The following UGGT1 variants were observed in gnomAD, a reference collection of about 807,000 sequenced individuals.
The protein encoded by UGGT1 is UDP-glucose:glycoprotein glucosyltransferase 1.
A neutral mutation model predicts 203.9 loss-of-function variants in UGGT1; 107 were observed. The ratio of observed to expected loss-of-function variants is 0.52; its 90% CI spans 0.45 to 0.62. The LOEUF is 0.62. UGGT1 is among the 20% of genes least tolerant of loss of function. The pLI, the probability that UGGT1 is intolerant of heterozygous loss-of-function variation, is 0.00. For missense variants in UGGT1, 1,673 were observed against 1,867.2 expected (o/e 0.90, Z 1.92); for synonymous variants, 628 against 653.5 (o/e 0.96, Z 0.59).
chr2:128,186,542 G>C, intron 38 of UGGT1, 141 bp from the exon 39 acceptor site: 1 of 518,858 alleles, frequency 1.9e-6, no homozygotes. Context: ...GGGAGGTGGA[G>C]GCTGCAGTGA....
chr2:128,151,196 C>G, intron 18 of UGGT1: 1 of 537,904 alleles, frequency 1.9e-6, no homozygotes, highest in African/African-American at 1.9e-5. Flanking sequence ...TTCCCCATAG[C>G]CTTCTATTTT....
chr2:128,130,367 T>C (rs2105418688), intron 13 of UGGT1, among the ~76,000 whole-genome samples: 1 of 152,274 alleles, frequency 6.6e-6, no homozygotes. Context: ...TTGGTTTCTG[T>C]ACTGCATTCA....
intron 15 of UGGT1, among the ~76,000 whole-genome samples, chr2:128,135,939 A>G (rs1032324675): frequency 8.5e-5 from 13 of 152,232 alleles, no homozygotes; most frequent in African/African-American, 3.1e-4. Flanking sequence ...CTATTACTGG[A>G]TCACAACCAG....
In UGGT1 at chr2:128,151,011, C is replaced by T. The variant is rs543910702; in HGVS notation, c.2017-1773C>T. On this transcript the variant is annotated intron_variant, in intron 18 of 40. Coordinates refer to ENST00000259253, the MANE Select transcript of UGGT1 (RefSeq NM_020120.4). Reference sequence around the variant, plus strand: ...GATTACAGGCGCCCGCCACCATGCCCGGCTAATTTTTGTATTTTTAGTAGA... The same window carrying T: ...GATTACAGGCGCCCGCCACCATGCCTGGCTAATTTTTGTATTTTTAGTAGA... 157 of 191,732 alleles carry T rather than the reference C, an allele frequency of 8.2e-4. 2 individuals are homozygous for T. The highest frequency in any genetic ancestry group is 3.7e-4 in the Non-Finnish European group (34 of 91,524). 11.9% of individuals were successfully genotyped at this position (191,732 alleles called of 1,614,324 possible). A position where few individuals can be genotyped will look rare whatever the true frequency, so the allele number is the denominator to read the frequency against.
chr2:128,149,089 G>A (rs936870660), intron 18 of UGGT1, among the ~76,000 whole-genome samples: 4 of 152,038 alleles, frequency 2.6e-5, no homozygotes, highest in Non-Finnish European at 1.5e-5. Flanking sequence ...CACCCAGGCT[G>A]GAGTGTAGGG....
At chr2:128,161,020 A>C in intron 24 of UGGT1, 118 bp from the exon 25 acceptor site, 1 of 1,159,328 alleles carries the variant, frequency 8.6e-7, no homozygotes, top group Non-Finnish European at 1.2e-6. Context: ...TACCTGTCTC[A>C]GGTCTTTAAG....
intron 34 of UGGT1, among the ~76,000 whole-genome samples, 174 bp downstream of exon 34, chr2:128,178,743 C>T (rs949285539): frequency 6.6e-5 from 10 of 152,204 alleles, no homozygotes; most frequent in Non-Finnish European, 1.5e-4. Flanking sequence ...CCCGCCGTCT[C>T]TGTGAAGTTG....
At chr2:128,098,713 C>T (rs1687227911) in intron 2 of UGGT1, among the ~76,000 whole-genome samples, 1 of 145,788 alleles carries the variant, frequency 6.9e-6, no homozygotes, top group South Asian at 2.1e-4. Context: ...CACGCCATTG[C>T]AGTCCAGCCT....
chr2:128,136,874 GT>G (rs1225405288), intron 15 of UGGT1, among the ~76,000 whole-genome samples: 1 of 152,146 alleles, frequency 6.6e-6, no homozygotes, highest in East Asian at 1.9e-4. Context: ...CCAGCATTTG[GT>G]TTTACCAGTA....
intron 11 of UGGT1, among the ~76,000 whole-genome samples, chr2:128,125,931 A>G (rs1688576323): frequency 6.7e-6 from 1 of 150,034 alleles, no homozygotes; most frequent in African/African-American, 2.4e-5. Context: ...TTATTAAAGC[A>G]TAAATATATA....
Position 128,133,393 on chromosome 2 carries a change from C to T in UGGT1, c.1497+133C>T, listed in dbSNP as rs1478398945. On this transcript the variant is annotated intron_variant, in intron 14 of 40. Transcript: ENST00000259253. The stretch of plus-strand genomic sequence containing the variant: ...CCCCACCCTTCACCAAATACTCTTC[C>T]CTGTTCACACTGGAAAGGCTTTGTA... 111 of 1,228,940 alleles carry T rather than the reference C, an allele frequency of 9.0e-5. 3 individuals carry two copies. The South Asian group carries it at 1.5e-3, about 16-fold the overall frequency. 76.1% of individuals were successfully genotyped at this position (1,228,940 alleles called of 1,614,324 possible). A position where few individuals can be genotyped will look rare whatever the true frequency, so the allele number is the denominator to read the frequency against.
intron 37 of UGGT1, 31 bp from the exon 38 acceptor site, chr2:128,183,644 T>C (rs764693747): frequency 1.3e-6 from 2 of 1,523,036 alleles, no homozygotes. Context: ...AATCCATGGT[T>C]GGTTGTAACA....
Position 128,171,291 on chromosome 2 carries a change from C to T in UGGT1, c.3104+7C>T, listed in dbSNP as rs770211863. On this transcript the variant is annotated splice_region_variant and intron_variant, in intron 28 of 40. Coordinates refer to ENST00000259253, the MANE Select transcript of UGGT1 (RefSeq NM_020120.4). ...CTGACATGCCTTTAAAAAGGTAAAA[C>T]ATGCTATGTAAGAAAACAGTTGAAG... is the stretch of plus-strand genomic sequence containing the variant. 1 of 1,609,660 alleles carries T rather than the reference C, an allele frequency of 6.2e-7. No individual in the cohort carries two copies. The highest frequency in any genetic ancestry group is 2.2e-5 in the East Asian group (1 of 44,718).
chr2:128,179,913 T>TA (rs761711926), intron 35 of UGGT1, 43 bp downstream of exon 35: 40 of 1,543,764 alleles, frequency 2.6e-5, no homozygotes, highest in Middle Eastern at 3.4e-4. Context: ...ATTAAGGAGA[T>TA]ATTTACTGTA....
Position 128,129,248 on chromosome 2 carries a change from C to T in UGGT1, c.1377+69C>T, listed in dbSNP as rs143264607. 3,780 of 1,519,340 alleles carry T rather than the reference C, an allele frequency of 2.5e-3. 9 individuals carry two copies. Among genetic ancestry groups the T allele is most frequent in the Non-Finnish European group, 3.0e-3 (3,364 of 1,135,046 alleles). 94.1% of individuals were successfully genotyped at this position (1,519,340 alleles called of 1,614,324 possible). ...ATCTTTTTTATGGTTTCTGATTTGT[C>T]TCTTATGAGGGTGAAGTTACTCCCA... On this transcript the variant is annotated intron_variant, in intron 13 of 40. Transcript: ENST00000259253.
intron 30 of UGGT1, 66 bp from the exon 31 acceptor site, chr2:128,174,707 C>G (rs754540634): frequency 6.4e-5 from 80 of 1,243,278 alleles, no homozygotes; most frequent in Middle Eastern, 3.8e-4. Flanking sequence ...ATAGAAGTAA[C>G]TGTTCCTCAG....
At chr2:128,106,199 T>G (rs1207032375) in intron 3 of UGGT1, among the ~76,000 whole-genome samples, 1 of 151,936 alleles carries the variant, frequency 6.6e-6, no homozygotes, top group Admixed American at 6.6e-5. Flanking sequence ...CAACTAGAAT[T>G]AAGTTATCAA....
chr2:128,134,796 A>G (rs1689053959), intron 14 of UGGT1, 80 bp from the exon 15 acceptor site: 6 of 1,290,748 alleles, frequency 4.6e-6, no homozygotes, highest in South Asian at 1.2e-5. Context: ...CTTCATGTAC[A>G]GTGACTCATA....
intron 26 of UGGT1, among the ~76,000 whole-genome samples, chr2:128,169,762 CG>C (rs1368437838): frequency 6.6e-6 from 1 of 152,144 alleles, no homozygotes; most frequent in African/African-American, 2.4e-5. Context: ...TAGTGAGAGA[CG>C]GAAGGAAATT....
Sources: gnomAD v4.1 joint callset for allele counts (sites outside exome capture counted in the v4.1 genomes callset) on GRCh38, gnomAD v4.1.1 for gene constraint, MANE v1.5 for transcripts, NCBI Gene and HGNC (gene_info 2026-07-23, HGNC 2026-07-21) for gene names.